TET2: variants seen among roughly 807,000 people sequenced by gnomAD.
The protein encoded by TET2 is tet methylcytosine dioxygenase 2.
A neutral mutation model predicts 142.9 loss-of-function variants in TET2; 299 were observed. That is an observed-to-expected ratio of 2.09 (90% CI 1.90 to 2.30). The LOEUF (loss-of-function observed/expected upper bound fraction) is 2.30, where lower values mean the gene tolerates loss of function less well. Among genes scored for constraint, TET2 ranks in the 30% most tolerant of loss-of-function variants. TET2 has a pLI of 0.00. For synonymous variants in TET2, 819 were observed against 849.0 expected, an observed-to-expected ratio of 0.96 and a Z score of 0.61; for missense variants, 2,418 against 2,378.0, an observed-to-expected ratio of 1.02 and a Z score of -0.35.
chr4:105,241,561 G>T, intron 4 of TET2, 132 bp downstream of exon 4: 2 of 1,446,498 alleles, frequency 1.4e-6, no homozygotes, highest in Non-Finnish European at 1.8e-6. Context: ...GCTATTCTAG[G>T]GTTGCCAACA....
chr4:105,271,717 C>G (rs1347731095), intron 9 of TET2, among the ~76,000 whole-genome samples: 1 of 152,108 alleles, frequency 6.6e-6, no homozygotes, highest in Non-Finnish European at 1.5e-5. Context: ...CTCCATTGAT[C>G]AAAAACACTA....
At chr4:105,269,069 C>T (rs2647250) in intron 8 of TET2, among the ~76,000 whole-genome samples, 67,694 of 151,908 alleles carry the variant, frequency 0.45, 15,688 homozygotes, top group Non-Finnish European at 0.53. Context: ...CTTAAGTAGA[C>T]CCAACATATA....
chr4:105,147,747 A>G (rs1225193956), intron 1 of TET2: 1 of 152,034 alleles, frequency 6.6e-6, no homozygotes, highest in African/African-American at 2.4e-5. Context: ...TTTATGGACA[A>G]ATCTGTGTCC....
chr4:105,159,767 G>A (rs1723750757), intron 1 of TET2, among the ~76,000 whole-genome samples: 1 of 152,124 alleles, frequency 6.6e-6, no homozygotes, highest in African/African-American at 2.4e-5. Flanking sequence ...TGTAATCCCG[G>A]CATTTTGGGA....
chr4:105,159,053 G>C (rs1187189654), intron 1 of TET2, among the ~76,000 whole-genome samples: 1 of 152,050 alleles, frequency 6.6e-6, no homozygotes, highest in South Asian at 2.1e-4. Context: ...ACAGTGGAGA[G>C]AGTAAGCTTT....
At chr4:105,250,699 TTTA>T (rs1365829492) in intron 6 of TET2, among the ~76,000 whole-genome samples, 4 of 152,164 alleles carry the variant, frequency 2.6e-5, no homozygotes, top group Non-Finnish European at 5.9e-5. Flanking sequence ...TCCTGCACTT[TTTA>T]TTTTTTTTAA....
intron 5 of TET2, among the ~76,000 whole-genome samples, chr4:105,243,304 T>C (rs555792935): frequency 6.6e-6 from 1 of 152,306 alleles, no homozygotes; most frequent in African/African-American, 2.4e-5. Context: ...GCAGGTAGCA[T>C]TTAATTGTCC....
chr4:105,272,791 A>G lies in TET2; in HGVS notation c.4410A>G (p.Glu1470=). The part of the protein sequence containing the change: ...PVKTCRQRKL[E]AKKAAAEKLS... ...AGACTTGCCGACAAAGGAAACTAGAAGCCAAGAAAGCTGCAGCTGAAAAGC... is the reference window on the plus strand; with the variant it reads ...AGACTTGCCGACAAAGGAAACTAGAGGCCAAGAAAGCTGCAGCTGAAAAGC... Residue 1470 remains glutamate (E), a synonymous_variant, in exon 10 of 11, where the codon GAA becomes GAG. Coordinates refer to ENST00000380013, the MANE Select transcript of TET2 (RefSeq NM_001127208.3). The G allele has an allele frequency of 6.4e-7, 1 of 1,551,716 alleles. No homozygotes were observed. Among genetic ancestry groups the G allele is most frequent in the Non-Finnish European group, 8.7e-7 (1 of 1,146,974 alleles).
chr4:105,227,553 T>G (rs985181861), intron 2 of TET2, among the ~76,000 whole-genome samples: 1 of 129,254 alleles, frequency 7.7e-6, no homozygotes, highest in African/African-American at 4.6e-5. Flanking sequence ...ATCTTAATAT[T>G]GTATACCATA....
intron 1 of TET2, among the ~76,000 whole-genome samples, chr4:105,178,902 G>A (rs1724962673): frequency 6.6e-6 from 1 of 152,116 alleles, no homozygotes. Flanking sequence ...ATTTATAAAG[G>A]AAAGAGATTT....
intron 1 of TET2, among the ~76,000 whole-genome samples, chr4:105,153,182 G>A (rs1488602460): frequency 6.6e-6 from 1 of 152,166 alleles, no homozygotes; most frequent in East Asian, 1.9e-4. Context: ...TTCCCCCAGT[G>A]GCAACACTTT....
rs531508917 is a variant in TET2, at chr4:105,235,684, G to A, written c.1742G>A (p.Arg581His). 40 of 1,614,132 alleles carry A rather than the reference G, an allele frequency of 2.5e-5. 1 individual carries two copies. The highest frequency in any genetic ancestry group is 1.1e-4 in the African/African-American group (8 of 75,032). Residue 581 changes from arginine to histidine, a missense_variant, in exon 3 of 11, where the codon CGT becomes CAT. Arg to His is a conservative substitution (Grantham distance 29). Coordinates refer to ENST00000380013, the MANE Select transcript of TET2 (RefSeq NM_001127208.3). ...CACCAAGCGGAATCCCATCTAAAAC[G>A]TAATGAGGCATCACTGCCATCAATT... ...RFHQAESHLKRNEASLPSILQ... is the reference protein window; with the variant it reads ...RFHQAESHLKHNEASLPSILQ...
At chr4:105,224,590 A>C (rs778206119) in intron 2 of TET2, among the ~76,000 whole-genome samples, 2 of 152,130 alleles carry the variant, frequency 1.3e-5, no homozygotes, top group African/African-American at 2.4e-5. Context: ...GCTAGTAGTC[A>C]AAAGGCCAGT....
intron 1 of TET2, among the ~76,000 whole-genome samples, chr4:105,151,126 C>T (rs1723276690): frequency 1.3e-5 from 2 of 151,980 alleles, no homozygotes; most frequent in South Asian, 2.1e-4. Flanking sequence ...TGAAACCACC[C>T]TGGGCAACAC....
At chr4:105,186,118 C>T (rs542650889) in intron 1 of TET2, among the ~76,000 whole-genome samples, 1 of 151,896 alleles carries the variant, frequency 6.6e-6, no homozygotes, top group African/African-American at 2.4e-5. Context: ...TAGTCCTAGC[C>T]ACTTGGGAGA....
intron 2 of TET2, among the ~76,000 whole-genome samples, chr4:105,226,485 G>A (rs986797651): frequency 5.9e-5 from 9 of 152,072 alleles, no homozygotes; most frequent in African/African-American, 1.7e-4. Flanking sequence ...GGGGCCTGGT[G>A]GGAAGTGTTT....
intron 2 of TET2, among the ~76,000 whole-genome samples, chr4:105,230,323 C>T (rs755596069): frequency 6.6e-5 from 10 of 152,172 alleles, no homozygotes; most frequent in Non-Finnish European, 8.8e-5. Context: ...GGATTATAGG[C>T]GTGAGCTACC....
intron 1 of TET2, 70 bp downstream of exon 1, chr4:105,147,049 G>A (rs1460933266): frequency 6.6e-6 from 1 of 152,292 alleles, no homozygotes; most frequent in African/African-American, 2.4e-5. Context: ...CGGGCTTCCA[G>A]GGACTGGGGA....
At chr4:105,214,301 A>ATTTTTTTTTT in intron 2 of TET2, among the ~76,000 whole-genome samples, 1 of 86,036 alleles carries the variant, frequency 1.2e-5, no homozygotes, top group Non-Finnish European at 2.1e-5. Context: ...CCCGAGGGAG[A>ATTTTTTTTTT]TTTTTTTTTT....
Sources: gnomAD v4.1 joint callset for allele counts (sites outside exome capture counted in the v4.1 genomes callset) on GRCh38, gnomAD v4.1.1 for gene constraint, MANE v1.5 for transcripts, NCBI Gene and HGNC (gene_info 2026-07-23, HGNC 2026-07-21) for gene names.